SGMS1: variants seen among roughly 807,000 people sequenced by gnomAD.
SGMS1 encodes sphingomyelin synthase 1.
In SGMS1, 13 loss-of-function variants were observed where a neutral mutation model predicts 46.2. The observed-to-expected ratio is 0.28, with a 90% CI of 0.18 to 0.45. The LOEUF (loss-of-function observed/expected upper bound fraction) is 0.45. SGMS1 is among the 20% of genes least tolerant of loss of function. The pLI is 1.00. For missense variants in SGMS1, 324 were observed against 519.9 expected (o/e 0.62, Z 3.66); for synonymous variants, 203 against 187.8 (o/e 1.08, Z -0.66).
At chr10:50,331,124 T>C (rs1417694982) in intron 7 of SGMS1, among the ~76,000 whole-genome samples, 1 of 152,238 alleles carries the variant, frequency 6.6e-6, no homozygotes, top group East Asian at 1.9e-4. Context: ...TAATTTTGTT[T>C]AGAGCCAACG....
At chr10:50,396,592 G>A (rs1254649667) in intron 6 of SGMS1, among the ~76,000 whole-genome samples, 1 of 152,152 alleles carries the variant, frequency 6.6e-6, no homozygotes, top group Non-Finnish European at 1.5e-5. Context: ...TTGAGGAAGT[G>A]TTGACCTTTC....
At chr10:50,541,065 A>G (rs1053994094) in intron 2 of SGMS1, among the ~76,000 whole-genome samples, 3 of 152,236 alleles carry the variant, frequency 2.0e-5, no homozygotes, top group African/African-American at 7.2e-5. Context: ...GATACATTCA[A>G]TTAGAAACTC....
intron 2 of SGMS1, among the ~76,000 whole-genome samples, chr10:50,539,388 G>A (rs1838032536): frequency 6.6e-6 from 1 of 152,212 alleles, no homozygotes. Context: ...ACCTTTTATT[G>A]TATAGTGTTG....
At chr10:50,536,570 G>A (rs141042397) in intron 2 of SGMS1, among the ~76,000 whole-genome samples, 207 of 152,218 alleles carry the variant, frequency 1.4e-3, no homozygotes, top group Non-Finnish European at 2.2e-3. Context: ...AACATTTTAT[G>A]TACAGCACTA....
At chr10:50,595,594 G>C (rs1284824417) in intron 1 of SGMS1, among the ~76,000 whole-genome samples, 1 of 152,218 alleles carries the variant, frequency 6.6e-6, no homozygotes, top group African/African-American at 2.4e-5. Flanking sequence ...CACATAGGCA[G>C]TAAAATAAAA....
rs576648020 is a variant in SGMS1, at chr10:50,425,970, T to C, written c.-232+7506A>G. Among the ~76,000 whole-genome samples the C allele has an allele frequency of 1.4e-4, 21 of 152,352 alleles. 1 individual carries two copies. In the South Asian group the frequency reaches 2.3e-3, roughly 17 times the overall value. On this transcript the variant is annotated intron_variant, in intron 6 of 10. Transcript: ENST00000361781. Reference sequence around the variant, plus strand: ...ATATATGTACAAAGATATTCATTGATATATCATCTGTAATAGAGAAAACAG... The same window carrying C: ...ATATATGTACAAAGATATTCATTGACATATCATCTGTAATAGAGAAAACAG...
chr10:50,324,837 T>C (rs1847503941), intron 8 of SGMS1, among the ~76,000 whole-genome samples: 1 of 152,214 alleles, frequency 6.6e-6, no homozygotes, highest in Non-Finnish European at 1.5e-5. Context: ...GGACTATTAA[T>C]CTAATGTCTA....
Position 50,308,157 on chromosome 10 carries a change from G to A in SGMS1, c.896-9C>T, listed in dbSNP as rs139282282. 12 of 1,610,962 alleles carry A rather than the reference G, an allele frequency of 7.4e-6. No homozygotes were observed. Among genetic ancestry groups the A allele is most frequent in the African/African-American group, 1.3e-5 (1 of 74,876 alleles). Reference sequence around the variant, plus strand: ...GAGTCGCCGAGGGGAATCTGAAAGGGGGAGAGATTTGCAATAGTCCCATTA... The same window carrying A: ...GAGTCGCCGAGGGGAATCTGAAAGGAGGAGAGATTTGCAATAGTCCCATTA... On this transcript the variant is annotated splice_polypyrimidine_tract_variant and intron_variant, in intron 9 of 10. Coordinates refer to ENST00000361781, the MANE Select transcript of SGMS1 (RefSeq NM_147156.4).
At chr10:50,554,543 C>T (rs1365755299) in intron 2 of SGMS1, among the ~76,000 whole-genome samples, 1 of 152,118 alleles carries the variant, frequency 6.6e-6, no homozygotes, top group Admixed American at 6.5e-5. Context: ...AAGTGGGAAG[C>T]GGCCTCTCAG....
At chr10:50,471,950 C>T (rs140742458) in intron 3 of SGMS1, among the ~76,000 whole-genome samples, 63 of 152,304 alleles carry the variant, frequency 4.1e-4, no homozygotes, top group Non-Finnish European at 5.1e-4. Context: ...GTTCTCAGTA[C>T]ATAAGACAGA....
At chr10:50,536,328 TGAACAAAG>T (rs1838001704) in intron 2 of SGMS1, among the ~76,000 whole-genome samples, 1 of 151,884 alleles carries the variant, frequency 6.6e-6, no homozygotes, top group Non-Finnish European at 1.5e-5. Context: ...CTCAAAAAAA[TGAACAAAG>T]AAACAAACAA....
chr10:50,612,252 G>C (rs1446237661), intron 1 of SGMS1, among the ~76,000 whole-genome samples: 1 of 152,206 alleles, frequency 6.6e-6, no homozygotes, highest in Non-Finnish European at 1.5e-5. Context: ...CCGTCTTCAT[G>C]GATTCACATA....
chr10:50,306,960 G>T lies in SGMS1; in HGVS notation c.*182C>A. 1 of 597,010 alleles carries T rather than the reference G, an allele frequency of 1.7e-6. No individual in the cohort carries two copies. The highest frequency in any genetic ancestry group is 2.9e-6 in the Non-Finnish European group (1 of 349,582). The allele number at this position is 597,010 out of a possible 1,614,324, so 37.0% of individuals were successfully genotyped here. On this transcript the variant is annotated 3_prime_UTR_variant, in exon 11 of 11. Transcript: ENST00000361781. ...ATAGGTTAAATTTTTCTTTATTGTT[G>T]TCCAACGCAGGTCCTTTGGAGAGAA... is the stretch of plus-strand genomic sequence containing the variant.
intron 8 of SGMS1, among the ~76,000 whole-genome samples, chr10:50,322,785 T>C (rs910274397): frequency 2.1e-5 from 3 of 144,498 alleles, no homozygotes; most frequent in Non-Finnish European, 4.5e-5. Context: ...TGAGCCGAGA[T>C]TGCGCCACTG....
At chr10:50,548,509 T>C (rs531061826) in intron 2 of SGMS1, among the ~76,000 whole-genome samples, 7 of 152,332 alleles carry the variant, frequency 4.6e-5, no homozygotes, top group African/African-American at 1.7e-4. Context: ...GCTAGCCATA[T>C]GCAGAAAACT....
intron 1 of SGMS1, among the ~76,000 whole-genome samples, chr10:50,616,850 A>T (rs1838802571): frequency 6.6e-6 from 1 of 152,264 alleles, no homozygotes; most frequent in Middle Eastern, 3.2e-3. Context: ...GTTCACGGAC[A>T]GAATTACAAT....
chr10:50,558,149 G>A (rs751138770), intron 2 of SGMS1, among the ~76,000 whole-genome samples: 5 of 152,178 alleles, frequency 3.3e-5, no homozygotes, highest in Non-Finnish European at 7.3e-5. Flanking sequence ...GATCCTGGCT[G>A]CAGCTGTATG....
At chr10:50,608,988 G>T (rs1838721997) in intron 1 of SGMS1, among the ~76,000 whole-genome samples, 1 of 151,976 alleles carries the variant, frequency 6.6e-6, no homozygotes, top group Non-Finnish European at 1.5e-5. Flanking sequence ...ATAATTTTTT[G>T]TTTTTTGTTT....
intron 3 of SGMS1, among the ~76,000 whole-genome samples, chr10:50,467,480 C>T (rs1265339140): frequency 6.6e-6 from 1 of 152,124 alleles, no homozygotes; most frequent in Non-Finnish European, 1.5e-5. Context: ...TGTTTTATTT[C>T]ATGAAAGACT....
Sources: gnomAD v4.1 joint callset for allele counts (sites outside exome capture counted in the v4.1 genomes callset) on GRCh38, gnomAD v4.1.1 for gene constraint, MANE v1.5 for transcripts, NCBI Gene and HGNC (gene_info 2026-07-23, HGNC 2026-07-21) for gene names.